ASMTL: variants seen among roughly 807,000 people sequenced by gnomAD.
The protein encoded by ASMTL is probable bifunctional dTTP/UTP pyrophosphatase/methyltransferase protein.
Under a neutral mutation model 60.3 loss-of-function variants are expected in ASMTL, and 57 were observed. That is an observed-to-expected ratio of 0.95 (90% CI 0.76 to 1.18). ASMTL has a LOEUF of 1.18. Ranked by LOEUF, ASMTL falls within the 50% of genes most tolerant of loss-of-function variation. ASMTL has a pLI of 0.00. For synonymous variants in ASMTL, 419 were observed against 373.0 expected (o/e 1.12, Z -1.42); for missense variants, 981 against 852.6 (o/e 1.15, Z -1.88).
At chrX:1,451,960 C>T (rs1325844834) in intron 1 of ASMTL, among the ~76,000 whole-genome samples, 2 of 128,406 alleles carry the variant, frequency 1.6e-5, no homozygotes, top group Non-Finnish European at 3.3e-5. Context: ...ATGCCTAGGG[C>T]GTCCTGGGTT....
intron 12 of ASMTL, among the ~76,000 whole-genome samples, chrX:1,405,228 G>GGATGT (rs1426271097): frequency 7.2e-6 from 1 of 138,172 alleles, no homozygotes; most frequent in Non-Finnish European, 1.6e-5. Context: ...ATGGATAGAT[G>GGATGT]GATGGATGGG....
At chrX:1,415,132 G>A (rs1468984104) in intron 11 of ASMTL, among the ~76,000 whole-genome samples, 1 of 150,814 alleles carries the variant, frequency 6.6e-6, no homozygotes, top group Non-Finnish European at 1.5e-5. Context: ...GTAGAGATGG[G>A]GTTTCACCAT....
chrX:1,445,024 G>A (rs182944408), intron 1 of ASMTL, among the ~76,000 whole-genome samples: 3,648 of 151,878 alleles, frequency 0.024, 157 homozygotes, highest in African/African-American at 0.084. Context: ...TCTTCCCTGC[G>A]CGGCTCCAGT....
chrX:1,403,847 C>T (rs760091760), intron 12 of ASMTL, among the ~76,000 whole-genome samples: 1 of 151,458 alleles, frequency 6.6e-6, no homozygotes, highest in Admixed American at 6.6e-5. Flanking sequence ...GATGGATGAA[C>T]AGATGGTAAG....
chrX:1,432,634 C>G (rs2090828921), intron 5 of ASMTL, among the ~76,000 whole-genome samples: 17 of 151,894 alleles, frequency 1.1e-4, no homozygotes, highest in Admixed American at 1.1e-3. Flanking sequence ...TCGAGACCAT[C>G]CTGGCTAACA....
At chrX:1,425,311 G>A (rs1453057838) in intron 8 of ASMTL, among the ~76,000 whole-genome samples, 2 of 152,214 alleles carry the variant, frequency 1.3e-5, no homozygotes, top group South Asian at 2.1e-4. Flanking sequence ...CCCATAAGGA[G>A]GTCACGCTTC....
Position 1,417,538 on chromosome X carries a change from T to C in ASMTL, c.1522+435A>G, listed in dbSNP as rs867571595. Among the ~76,000 whole-genome samples, 53 of 82,758 alleles carry C rather than the reference T, an allele frequency of 6.4e-4. 1 individual carries two copies. The highest frequency in any genetic ancestry group is 1.2e-3 in the East Asian group (3 of 2,490). 54.3% of individuals were successfully genotyped at this position (82,758 alleles called of 152,430 possible). A position where few individuals can be genotyped will look rare whatever the true frequency, so the allele number is the denominator to read the frequency against. On this transcript the variant is annotated intron_variant, in intron 11 of 12. Transcript: ENST00000381317. ...ACACAGACATGCACACACACACACA[T>C]GCACACAGACACACAAGCACGACAG...
At chrX:1,407,332 T>G (rs1244976621) in intron 12 of ASMTL, among the ~76,000 whole-genome samples, 1 of 148,554 alleles carries the variant, frequency 6.7e-6, no homozygotes, top group East Asian at 2.0e-4. Context: ...AATGGATGGA[T>G]AGATGGATGA....
chrX:1,432,568 G>T (rs1338427837), intron 5 of ASMTL, among the ~76,000 whole-genome samples, 191 bp from the exon 6 acceptor site: 2 of 152,214 alleles, frequency 1.3e-5, no homozygotes, highest in Non-Finnish European at 2.9e-5. Context: ...GGTGGCTCAC[G>T]CCTGTCATCC....
At chrX:1,437,117 C>G (rs1382248562) in intron 3 of ASMTL, among the ~76,000 whole-genome samples, 4 of 150,330 alleles carry the variant, frequency 2.7e-5, no homozygotes, top group Admixed American at 2.0e-4. Flanking sequence ...CAGAATACCA[C>G]AGACTGGGTG....
Position 1,439,382 on chromosome X carries a change from G to C in ASMTL, c.226-238C>G, listed in dbSNP as rs767498558. On this transcript the variant is annotated intron_variant, in intron 2 of 12. Coordinates refer to ENST00000381317, the MANE Select transcript of ASMTL (RefSeq NM_004192.4). ...GCCCACGGGGGCTGCGTGATCAGGG[G>C]TCAGGCACTCACGGAGCATCTCACG... 3.9e-5 allele frequency among the ~76,000 whole-genome samples: 6 copies of C among 152,322 alleles called. No homozygotes were observed. The South Asian group carries it at 1.0e-3, about 26-fold the overall frequency.
At chrX:1,452,476 A>C (rs1389836973) in intron 1 of ASMTL, among the ~76,000 whole-genome samples, 6 of 110,366 alleles carry the variant, frequency 5.4e-5, no homozygotes, top group African/African-American at 1.4e-4. Context: ...CCGGGTTACG[A>C]TCCCCTCCCC....
At chrX:1,420,606 G>A (rs2090457816) in intron 9 of ASMTL, among the ~76,000 whole-genome samples, 1 of 152,174 alleles carries the variant, frequency 6.6e-6, no homozygotes. Context: ...CCACCCATCT[G>A]CACAGGCCCC....
intron 2 of ASMTL, among the ~76,000 whole-genome samples, chrX:1,440,736 C>A (rs1318452330): frequency 6.6e-6 from 1 of 152,084 alleles, no homozygotes; most frequent in Non-Finnish European, 1.5e-5. Flanking sequence ...GAGTTGGAGA[C>A]CAGCCTGGCC....
upstream of ASMTL, chrX:1,453,608 G>A (rs183357852): frequency 3.2e-3 from 491 of 151,438 alleles, 20 homozygotes; most frequent in East Asian, 0.086. Context: ...TGGGGGTGGG[G>A]GGTTCTTACC....
At chrX:1,449,270 A>G (rs2091297280) in intron 1 of ASMTL, among the ~76,000 whole-genome samples, 1 of 151,818 alleles carries the variant, frequency 6.6e-6, no homozygotes, top group Non-Finnish European at 1.5e-5. Context: ...CCACTCTTCT[A>G]CACTCCTCAG....
chrX:1,412,655 G>T, intron 12 of ASMTL, 77 bp downstream of exon 12: 2 of 1,599,688 alleles, frequency 1.3e-6, no homozygotes, highest in Middle Eastern at 1.7e-4. Flanking sequence ...GAGCCACCGC[G>T]CCCGGCCTCC....
upstream of ASMTL, among the ~76,000 whole-genome samples, chrX:1,453,137 G>T (rs1427149289): frequency 2.1e-5 from 3 of 140,182 alleles, no homozygotes; most frequent in Non-Finnish European, 4.7e-5. Context: ...ACCACGCCCA[G>T]ACCACGCCTC....
At position 1,418,051 on chromosome X, in the gene ASMTL, C is replaced by G. The variant is rs765440047; in HGVS notation, c.1444G>C (p.Asp482His). 21 of 1,613,406 alleles carry G rather than the reference C, an allele frequency of 1.3e-5. No individual in the cohort carries two copies. Among genetic ancestry groups the G allele is most frequent in the Middle Eastern group, 1.6e-4 (1 of 6,068 alleles). ...GCCAGCTCGATAATGTCTGGGAGGT[C>G]AAACACAGTCACCTGCATACGAGGG... is the stretch of plus-strand genomic sequence containing the variant. ...EYPRMQVTVF[D>H]LPDIIELAAH... The change falls in exon 11 of 13, where the codon GAC (aspartate) becomes CAC (histidine). Residue 482 changes from aspartate to histidine, a missense_variant. By Grantham distance (81) the Asp-to-His change is moderately conservative (BLOSUM62 -1). Coordinates refer to ENST00000381317, the MANE Select transcript of ASMTL (RefSeq NM_004192.4).
Sources: gnomAD v4.1 joint callset for allele counts (sites outside exome capture counted in the v4.1 genomes callset) on GRCh38, gnomAD v4.1.1 for gene constraint, MANE v1.5 for transcripts, NCBI Gene and HGNC (gene_info 2026-07-23, HGNC 2026-07-21) for gene names.